TLL1: variants seen among roughly 807,000 people sequenced by gnomAD.
The protein encoded by TLL1 is tolloid-like protein 1.
Under a neutral mutation model 128.2 loss-of-function variants are expected in TLL1, and 49 were observed. That is an observed-to-expected ratio of 0.38 (90% CI 0.30 to 0.48). TLL1 has a LOEUF of 0.48. Ranked by LOEUF, TLL1 falls within the 20% of genes least tolerant of loss-of-function variation. TLL1 has a pLI of 0.96. For synonymous variants in TLL1, 454 were observed against 418.8 expected (o/e 1.08, Z -1.03); for missense variants, 1,123 against 1,242.0 (o/e 0.90, Z 1.44).
intron 8 of TLL1, among the ~76,000 whole-genome samples, chr4:166,023,352 A>G (rs1006602402): frequency 2.0e-5 from 3 of 152,160 alleles, no homozygotes; most frequent in African/African-American, 7.2e-5. Context: ...GTGAGTTGAG[A>G]TTGAGCCACT....
chr4:165,905,145 T>C (rs1348158290), intron 1 of TLL1, among the ~76,000 whole-genome samples: 2 of 152,308 alleles, frequency 1.3e-5, no homozygotes, highest in Admixed American at 1.3e-4. Flanking sequence ...GGAAGACTAT[T>C]TGGCAATTCC....
intron 1 of TLL1, among the ~76,000 whole-genome samples, chr4:165,937,044 T>G (rs1733797220): frequency 1.3e-5 from 2 of 152,182 alleles, no homozygotes; most frequent in African/African-American, 2.4e-5. Flanking sequence ...TCAGAGATGG[T>G]GTTATAATTT....
intron 9 of TLL1, chr4:166,030,438 TCTC>T (rs1738714213): frequency 1.7e-6 from 1 of 573,538 alleles, no homozygotes; most frequent in Non-Finnish European, 3.2e-6. Context: ...GCATATATTT[TCTC>T]CTCCTTCACA....
intron 8 of TLL1, among the ~76,000 whole-genome samples, chr4:166,021,077 C>T (rs1438034078): frequency 6.6e-6 from 1 of 152,074 alleles, no homozygotes; most frequent in African/African-American, 2.4e-5. Context: ...CTTAATTTAG[C>T]GTTAAAATGA....
intron 1 of TLL1, among the ~76,000 whole-genome samples, chr4:165,957,690 A>G: frequency 6.7e-6 from 1 of 148,222 alleles, no homozygotes; most frequent in Non-Finnish European, 1.5e-5. Flanking sequence ...CCCTAAGTCC[A>G]TTGGATCATT....
At chr4:165,995,244 C>A in intron 5 of TLL1, 66 bp downstream of exon 5, 1 of 1,130,604 alleles carries the variant, frequency 8.8e-7, no homozygotes, top group Non-Finnish European at 1.3e-6. Flanking sequence ...AATTAAATGT[C>A]CATAGGTAAG....
chr4:165,903,093 C>G (rs1561017639), intron 1 of TLL1, among the ~76,000 whole-genome samples: 1 of 152,120 alleles, frequency 6.6e-6, no homozygotes, highest in South Asian at 2.1e-4. Flanking sequence ...AATCCCAGCA[C>G]TGTGGGAGGC....
rs151109458 is a variant in TLL1, at chr4:165,918,772, T to C, written c.169+44699T>C. On this transcript the variant is annotated intron_variant, in intron 1 of 20. Transcript: ENST00000061240. Reference sequence around the variant, plus strand: ...AGTTTGTGAGGGTCCCCAAAACCACTGGGGTAGGAGCTACACCTGTAGCTA... The same window carrying C: ...AGTTTGTGAGGGTCCCCAAAACCACCGGGGTAGGAGCTACACCTGTAGCTA... 2.8e-3 allele frequency among the ~76,000 whole-genome samples: 425 copies of C among 152,188 alleles called. 5 individuals carry two copies. In the East Asian group the frequency reaches 0.044, roughly 16 times the overall value.
In TLL1 at chr4:166,055,022, T is replaced by C. The variant is rs887889859; in HGVS notation, c.1525-54T>C. 1.2e-5 allele frequency: 17 copies of C among 1,445,670 alleles called. No individual in the cohort carries two copies. In the East Asian group the frequency reaches 3.5e-4, roughly 30 times the overall value. The allele number at this position is 1,445,670 out of a possible 1,614,324, so 89.6% of individuals were successfully genotyped here. On this transcript the variant is annotated intron_variant, in intron 12 of 20. Transcript: ENST00000061240. ...CACTGAGAAGACATCTATCCTCCTATATAAAATGTTTTATCTATAAACATA... is the reference window on the plus strand; with the variant it reads ...CACTGAGAAGACATCTATCCTCCTACATAAAATGTTTTATCTATAAACATA...
chr4:165,969,870 T>C (rs1735557403), intron 1 of TLL1, among the ~76,000 whole-genome samples: 1 of 152,166 alleles, frequency 6.6e-6, no homozygotes, highest in Non-Finnish European at 1.5e-5. Context: ...TATTCTCACT[T>C]GGACACATTC....
At chr4:166,042,187 A>C in intron 11 of TLL1, 44 bp downstream of exon 11, 13 of 1,253,408 alleles carry the variant, frequency 1.0e-5, no homozygotes, top group Non-Finnish European at 1.4e-5. Flanking sequence ...CTTATATCTC[A>C]ACAGAAATGT....
chr4:165,926,348 T>C (rs968506465), intron 1 of TLL1, among the ~76,000 whole-genome samples: 1 of 152,164 alleles, frequency 6.6e-6, no homozygotes, highest in African/African-American at 2.4e-5. Flanking sequence ...ACTTCACACT[T>C]GAAGTCATGA....
chr4:165,961,368 C>T (rs2110960018), intron 1 of TLL1, among the ~76,000 whole-genome samples: 1 of 152,138 alleles, frequency 6.6e-6, no homozygotes, highest in East Asian at 1.9e-4. Flanking sequence ...TTGGAAGAAT[C>T]AATATTCTTA....
intron 15 of TLL1, 84 bp from the exon 16 acceptor site, chr4:166,065,599 A>G: frequency 6.7e-7 from 1 of 1,492,484 alleles, no homozygotes; most frequent in Non-Finnish European, 9.3e-7. Context: ...GTAAAATGGG[A>G]AAAATAAGAT....
At chr4:166,000,472 T>G (rs1210601201) in intron 5 of TLL1, among the ~76,000 whole-genome samples, 5 of 152,172 alleles carry the variant, frequency 3.3e-5, no homozygotes, top group Non-Finnish European at 4.4e-5. Flanking sequence ...AAACCTCATC[T>G]TATAGGAAAT....
rs191056420 is a variant in TLL1, at chr4:166,060,516, C to A, written c.2007+328C>A. ...ACTTCTAGAAAAAAATAAACCAAAACCCTGTGGCTGAGTCATAACAAAAAT... is the reference window on the plus strand; with the variant it reads ...ACTTCTAGAAAAAAATAAACCAAAAACCTGTGGCTGAGTCATAACAAAAAT... On this transcript the variant is annotated intron_variant, in intron 15 of 20. Coordinates refer to ENST00000061240, the MANE Select transcript of TLL1 (RefSeq NM_012464.5). Among the ~76,000 whole-genome samples the A allele has an allele frequency of 3.1e-4, 47 of 152,072 alleles. No homozygotes were observed. In the South Asian group the frequency reaches 9.3e-3, roughly 30 times the overall value.
intron 1 of TLL1, among the ~76,000 whole-genome samples, chr4:165,897,988 G>A (rs1178701036): frequency 6.6e-6 from 1 of 152,086 alleles, no homozygotes; most frequent in African/African-American, 2.4e-5. Flanking sequence ...TCTGTTTGTA[G>A]CAATTGTGAA....
chr4:165,898,860 G>T (rs941191518), intron 1 of TLL1, among the ~76,000 whole-genome samples: 23 of 152,088 alleles, frequency 1.5e-4, no homozygotes, highest in African/African-American at 5.6e-4. Context: ...TCTGGTCCTG[G>T]GCTTTTTTTG....
chr4:166,062,719 C>G (rs1579694032), intron 15 of TLL1, among the ~76,000 whole-genome samples: 1 of 152,164 alleles, frequency 6.6e-6, no homozygotes, highest in East Asian at 1.9e-4. Context: ...TTTCTTTCTC[C>G]TGCCTGATTG....
Sources: gnomAD v4.1 joint callset for allele counts (sites outside exome capture counted in the v4.1 genomes callset) on GRCh38, gnomAD v4.1.1 for gene constraint, MANE v1.5 for transcripts, NCBI Gene and HGNC (gene_info 2026-07-23, HGNC 2026-07-21) for gene names.